Variants in MGAT4C observed in about 807,000 individuals in gnomAD.
MGAT4C encodes the protein MGAT4 family member C.
Under a neutral mutation model 40.1 loss-of-function variants are expected in MGAT4C, and 19 were observed. The ratio of observed to expected loss-of-function variants is 0.47; its 90% CI spans 0.33 to 0.70. The LOEUF is 0.70. MGAT4C is among the 30% of genes least tolerant of loss of function. MGAT4C has a pLI of 0.02. For synonymous variants in MGAT4C, 181 were observed against 187.1 expected (o/e 0.97, Z 0.27); for missense variants, 491 against 563.2 (o/e 0.87, Z 1.30).
chr12:86,804,379 C>T (rs890084350), intron 1 of MGAT4C, among the ~76,000 whole-genome samples: 7 of 146,980 alleles, frequency 4.8e-5, no homozygotes, highest in Non-Finnish European at 7.5e-5. Context: ...AACTAAGCTG[C>T]ACAATGTGCA....
chr12:86,597,074 A>T (rs1208177727), intron 2 of MGAT4C, among the ~76,000 whole-genome samples: 1 of 152,186 alleles, frequency 6.6e-6, no homozygotes, highest in African/African-American at 2.4e-5. Flanking sequence ...TTATTTTAAA[A>T]CTACTCTTAA....
intron 4 of MGAT4C, among the ~76,000 whole-genome samples, chr12:86,326,323 C>G (rs899677165): frequency 6.6e-6 from 1 of 151,604 alleles, no homozygotes; most frequent in Non-Finnish European, 1.5e-5. Context: ...CACACACACA[C>G]ACACACACAC....
intron 3 of MGAT4C, among the ~76,000 whole-genome samples, chr12:86,391,542 T>A (rs1956159948): frequency 6.6e-6 from 1 of 152,170 alleles, no homozygotes; most frequent in African/African-American, 2.4e-5. Flanking sequence ...ACTGAGCAAC[T>A]TGGTAACTTT....
At chr12:86,261,240 C>T (rs1360832223), upstream of MGAT4C, among the ~76,000 whole-genome samples, 1 of 151,970 alleles carries the variant, frequency 6.6e-6, no homozygotes, top group Non-Finnish European at 1.5e-5. Flanking sequence ...ATTTAAAAAC[C>T]CAAATTGCAT....
At chr12:86,625,299 C>T (rs1255398052) in intron 2 of MGAT4C, among the ~76,000 whole-genome samples, 1 of 152,042 alleles carries the variant, frequency 6.6e-6, no homozygotes, top group Non-Finnish European at 1.5e-5. Flanking sequence ...ATAAATTACC[C>T]AGTCTTGAGT....
At chr12:86,248,797 G>A (rs534979941) in intron 1 of MGAT4C, among the ~76,000 whole-genome samples, 2 of 152,012 alleles carry the variant, frequency 1.3e-5, no homozygotes, top group Admixed American at 6.6e-5. Context: ...TAAATATATC[G>A]GAATCTCACC....
intron 2 of MGAT4C, among the ~76,000 whole-genome samples, chr12:86,714,798 G>GAAGGAAGA (rs982273993): frequency 2.0e-5 from 3 of 151,654 alleles, no homozygotes; most frequent in African/African-American, 7.3e-5. Context: ...AGGAAGGAAG[G>GAAGGAAGA]AAGGAAGGAA....
chr12:86,503,780 TTCTGCTC>T lies in MGAT4C; in HGVS notation c.-228-68522_-228-68516del, dbSNP rs1350041175. ...TCTGCTCATATATATATATATAGAG[TTCTGCTC>T]ATATATATATATATATATATATATA... On this transcript the variant is annotated intron_variant, in intron 2 of 7. Coordinates refer to the MGAT4C transcript ENST00000548651. 4.6e-4 allele frequency among the ~76,000 whole-genome samples: 6 copies of T among 12,976 alleles called. 1 individual carries two copies. Among genetic ancestry groups the T allele is most frequent in the Admixed American group, 1.5e-3 (1 of 674 alleles). 8.5% of individuals were successfully genotyped at this position (12,976 alleles called of 152,430 possible).
intron 2 of MGAT4C, among the ~76,000 whole-genome samples, chr12:86,462,632 C>T (rs1957618432): frequency 6.6e-6 from 1 of 152,102 alleles, no homozygotes; most frequent in Non-Finnish European, 1.5e-5. Flanking sequence ...CCCAAAACCT[C>T]AAAAGTAGGG....
intron 4 of MGAT4C, among the ~76,000 whole-genome samples, chr12:86,316,293 T>C (rs548982142): frequency 6.6e-6 from 1 of 152,266 alleles, no homozygotes; most frequent in African/African-American, 2.4e-5. Flanking sequence ...TTAGTCACTA[T>C]GGAAAGCAGT....
At chr12:86,665,507 G>C (rs1460988098) in intron 2 of MGAT4C, among the ~76,000 whole-genome samples, 2 of 151,940 alleles carry the variant, frequency 1.3e-5, no homozygotes, top group East Asian at 3.9e-4. Flanking sequence ...CTCCCCAGCA[G>C]CTGGGACTAC....
At chr12:86,647,401 G>A (rs757995984) in intron 2 of MGAT4C, among the ~76,000 whole-genome samples, 8 of 151,958 alleles carry the variant, frequency 5.3e-5, no homozygotes, top group Middle Eastern at 3.4e-3. Context: ...CTTCACCTAA[G>A]TCTGAAATCT....
chr12:86,593,462 T>C (rs1961412931), intron 2 of MGAT4C, among the ~76,000 whole-genome samples: 1 of 152,120 alleles, frequency 6.6e-6, no homozygotes, highest in South Asian at 2.1e-4. Flanking sequence ...GGTTGAAGTT[T>C]AGGTTGTGGA....
At chr12:85,999,619 T>C (rs1000352369) in intron 2 of MGAT4C, among the ~76,000 whole-genome samples, 1 of 148,514 alleles carries the variant, frequency 6.7e-6, no homozygotes, top group African/African-American at 2.5e-5. Flanking sequence ...ACATACACAA[T>C]GGAATACTAT....
intron 1 of MGAT4C, among the ~76,000 whole-genome samples, chr12:86,794,554 C>T (rs922132827): frequency 4.0e-5 from 6 of 151,674 alleles, no homozygotes; most frequent in African/African-American, 1.4e-4. Context: ...TTTTACTCCC[C>T]TTAAAATACT....
rs562677796 is a variant in MGAT4C at position 86,612,479 on chromosome 12, G to T, written c.-229+114730C>A. On this transcript the variant is annotated intron_variant, in intron 2 of 7. Transcript: ENST00000548651. ...AAAAAGTAGATGTGGGCCAGGCGCG[G>T]TGGCTCAAGCCTGTAATCCCAGCAC... is the stretch of plus-strand genomic sequence containing the variant. Among the ~76,000 whole-genome samples the T allele has an allele frequency of 5.3e-5, 8 of 152,220 alleles. No individual in the cohort carries two copies. The East Asian group carries it at 1.5e-3, about 29-fold the overall frequency.
chr12:86,530,843 C>T (rs530708289), intron 2 of MGAT4C, among the ~76,000 whole-genome samples: 1 of 152,070 alleles, frequency 6.6e-6, no homozygotes, highest in African/African-American at 2.4e-5. Context: ...ATATATACTC[C>T]ATTAGGAATA....
chr12:86,301,331 C>T (rs1252171851), intron 4 of MGAT4C, among the ~76,000 whole-genome samples: 1 of 152,130 alleles, frequency 6.6e-6, no homozygotes, highest in Non-Finnish European at 1.5e-5. Flanking sequence ...TGCTAAACTT[C>T]ACTCTTGAGT....
chr12:86,482,457 C>T (rs940668814), intron 2 of MGAT4C, among the ~76,000 whole-genome samples: 5 of 151,726 alleles, frequency 3.3e-5, no homozygotes, highest in Non-Finnish European at 1.5e-5. Context: ...TATATATATA[C>T]TCGGGATAAG....
Sources: allele counts gnomAD v4.1 joint callset (sites outside exome capture counted in the v4.1 genomes callset), GRCh38; gene constraint gnomAD v4.1.1; transcripts MANE v1.5; gene names NCBI Gene and HGNC (gene_info 2026-07-23, HGNC 2026-07-21).